The following TRAPPC9 variants were observed in gnomAD, a reference collection of about 807,000 sequenced individuals.
The protein encoded by TRAPPC9 is trafficking protein particle complex subunit 9.
In TRAPPC9, 83 loss-of-function variants were observed where a neutral mutation model predicts 124.0. The observed-to-expected ratio is 0.67, with a 90% confidence interval of 0.56 to 0.80. The LOEUF is 0.80. Among genes scored for constraint, TRAPPC9 ranks in the 30% least tolerant of loss-of-function variants. TRAPPC9 has a pLI of 0.00. For synonymous variants in TRAPPC9, 638 were observed against 617.5 expected (o/e 1.03, Z -0.49); for missense variants, 1,302 against 1,508.3 (o/e 0.86, Z 2.27).
At chr8:140,144,118 C>G (rs1275876112) in intron 17 of TRAPPC9, among the ~76,000 whole-genome samples, 1 of 152,100 alleles carries the variant, frequency 6.6e-6, no homozygotes, top group African/African-American at 2.4e-5. Flanking sequence ...TCTAATAGGC[C>G]AAGACCCCTT....
At chr8:140,399,518 AG>A (rs1321622811) in intron 6 of TRAPPC9, among the ~76,000 whole-genome samples, 1 of 152,246 alleles carries the variant, frequency 6.6e-6, no homozygotes, top group Non-Finnish European at 1.5e-5. Flanking sequence ...AGATCATTTT[AG>A]AGCTTTAAGA....
intron 21 of TRAPPC9, among the ~76,000 whole-genome samples, chr8:139,782,733 A>T (rs1821922687): frequency 6.6e-6 from 1 of 152,234 alleles, no homozygotes; most frequent in African/African-American, 2.4e-5. Flanking sequence ...TTTACAGAAC[A>T]TCCTGCTTGA....
chr8:140,275,987 G>C (rs2065105111), intron 14 of TRAPPC9, among the ~76,000 whole-genome samples, 166 bp from the exon 15 acceptor site: 1 of 152,186 alleles, frequency 6.6e-6, no homozygotes, highest in Non-Finnish European at 1.5e-5. Flanking sequence ...CTCAGGAATG[G>C]AAAGTGAGCT....
At chr8:139,739,477 G>A (rs893460826) in intron 21 of TRAPPC9, among the ~76,000 whole-genome samples, 9 of 152,212 alleles carry the variant, frequency 5.9e-5, no homozygotes, top group African/African-American at 2.2e-4. Flanking sequence ...TCGGCCCTAC[G>A]AGTTTCCTCC....
intron 19 of TRAPPC9, among the ~76,000 whole-genome samples, chr8:139,969,134 C>T (rs776682831): frequency 5.9e-5 from 9 of 152,198 alleles, no homozygotes; most frequent in Non-Finnish European, 8.8e-5. Flanking sequence ...GAAAGATGAG[C>T]GAAGGGAATT....
At chr8:140,095,420 A>G (rs930506643) in intron 17 of TRAPPC9, 1 of 152,198 alleles carries the variant, frequency 6.6e-6, no homozygotes, top group African/African-American at 2.4e-5. Flanking sequence ...AATCTTGAAC[A>G]GTTACATTAA....
At chr8:139,899,056 G>A (rs1159907547) in intron 20 of TRAPPC9, among the ~76,000 whole-genome samples, 3 of 140,756 alleles carry the variant, frequency 2.1e-5, no homozygotes, top group African/African-American at 8.1e-5. Context: ...GGAGGCAGAG[G>A]CTGCAGTGAG....
At chr8:140,158,123 G>A (rs981002748) in intron 17 of TRAPPC9, among the ~76,000 whole-genome samples, 32 of 151,624 alleles carry the variant, frequency 2.1e-4, no homozygotes, top group African/African-American at 6.6e-4. Flanking sequence ...TTTTTTCTTC[G>A]ACATGAAATT....
intron 17 of TRAPPC9, among the ~76,000 whole-genome samples, chr8:140,038,693 G>C (rs1156920365): frequency 6.6e-6 from 1 of 152,304 alleles, no homozygotes; most frequent in Non-Finnish European, 1.5e-5. Flanking sequence ...CCAGGGTAAG[G>C]TCAAAGCAAA....
chr8:140,172,131 T>C (rs943301130), intron 17 of TRAPPC9, among the ~76,000 whole-genome samples: 2 of 152,148 alleles, frequency 1.3e-5, no homozygotes, highest in Non-Finnish European at 2.9e-5. Flanking sequence ...ACTGTCTCTT[T>C]ATTCAGGAGG....
intron 17 of TRAPPC9, among the ~76,000 whole-genome samples, chr8:140,072,058 G>C (rs368178494): frequency 1.4e-4 from 22 of 152,170 alleles, no homozygotes; most frequent in East Asian, 5.8e-4. Context: ...TTTGGAGTAG[G>C]GGCCAGGGTT....
chr8:140,106,866 A>G (rs2060676495), intron 17 of TRAPPC9, among the ~76,000 whole-genome samples: 1 of 152,216 alleles, frequency 6.6e-6, no homozygotes, highest in African/African-American at 2.4e-5. Context: ...CTCCTTGAGT[A>G]GTACTGATCT....
At chr8:139,887,039 T>C (rs1055483467) in intron 20 of TRAPPC9, among the ~76,000 whole-genome samples, 2 of 151,990 alleles carry the variant, frequency 1.3e-5, no homozygotes, top group Admixed American at 1.3e-4. Flanking sequence ...AGAGCGGGCA[T>C]ATCCCCCTCA....
At chr8:140,047,873 G>A (rs1474598163) in intron 17 of TRAPPC9, among the ~76,000 whole-genome samples, 1 of 152,216 alleles carries the variant, frequency 6.6e-6, no homozygotes, top group Non-Finnish European at 1.5e-5. Context: ...CAGAGGTCGG[G>A]GCAGAAGTGG....
intron 19 of TRAPPC9, among the ~76,000 whole-genome samples, chr8:139,985,832 T>C (rs760902348): frequency 4.6e-5 from 7 of 152,188 alleles, no homozygotes; most frequent in Non-Finnish European, 5.9e-5. Flanking sequence ...ATTTACACAA[T>C]GAAATATTAA....
intron 19 of TRAPPC9, among the ~76,000 whole-genome samples, chr8:139,954,838 C>T (rs1424120715): frequency 6.6e-6 from 1 of 151,942 alleles, no homozygotes; most frequent in East Asian, 1.9e-4. Flanking sequence ...AGATCCACTC[C>T]ATTGTATACA....
chr8:140,445,513 G>A (rs1265552960), intron 2 of TRAPPC9, among the ~76,000 whole-genome samples: 3 of 152,114 alleles, frequency 2.0e-5, no homozygotes, highest in Non-Finnish European at 1.5e-5. Context: ...TCCGAGACTC[G>A]GCTGCCAGGA....
intron 17 of TRAPPC9, among the ~76,000 whole-genome samples, chr8:140,120,422 G>C (rs1440655328): frequency 6.6e-6 from 1 of 152,190 alleles, no homozygotes; most frequent in Non-Finnish European, 1.5e-5. Context: ...AATATAGAGT[G>C]CTTCTCCCAG....
Position 140,254,013 on chromosome 8 carries a change from G to C in TRAPPC9, c.2279-1084C>G, listed in dbSNP as rs116324728. 1.6e-3 allele frequency among the ~76,000 whole-genome samples: 247 copies of C among 152,310 alleles called. 1 individual carries two copies. Among genetic ancestry groups the C allele is most frequent in the African/African-American group, 5.7e-3 (237 of 41,562 alleles). Reference sequence around the variant, plus strand: ...CACTGTAAGAACCTCAGGCAACACGGGAGGAAGGGGGACAGGAAGGGGACA... The same window carrying C: ...CACTGTAAGAACCTCAGGCAACACGCGAGGAAGGGGGACAGGAAGGGGACA... On this transcript the variant is annotated intron_variant, in intron 15 of 22. Coordinates refer to ENST00000438773, the MANE Select transcript of TRAPPC9 (RefSeq NM_001160372.4).
Sources: allele counts gnomAD v4.1 joint callset (sites outside exome capture counted in the v4.1 genomes callset), GRCh38; gene constraint gnomAD v4.1.1; transcripts MANE v1.5; gene names NCBI Gene and HGNC (gene_info 2026-07-23, HGNC 2026-07-21).